The following PXDNL variants were observed in gnomAD, a reference collection of about 807,000 sequenced individuals.
PXDNL encodes peroxidasin like.
PXDNL carries 145 observed loss-of-function variants against 150.8 expected under a neutral mutation model. The ratio of observed to expected loss-of-function variants is 0.96; its 90% confidence interval spans 0.84 to 1.10. The LOEUF (loss-of-function observed/expected upper bound fraction) is 1.10, where lower values mean the gene tolerates loss of function less well. Ranked by LOEUF, PXDNL falls within the 50% of genes least tolerant of loss-of-function variation. The pLI, the probability that PXDNL is intolerant of heterozygous loss-of-function variation, is 0.00. For synonymous variants in PXDNL, 757 were observed against 725.7 expected (o/e 1.04, Z -0.69); for missense variants, 2,087 against 1,873.9 (o/e 1.11, Z -2.10).
In PXDNL at chr8:51,791,984, A is replaced by T. The variant is rs1252201971; in HGVS notation, c.164+17197T>A. Among the ~76,000 whole-genome samples, 3 of 151,940 alleles carry T rather than the reference A, an allele frequency of 2.0e-5. No individual in the cohort carries two copies. The East Asian group carries it at 5.8e-4, about 29-fold the overall frequency. ...AATCTGTTACCCTTCTTTTGCATTC[A>T]AAAAATTCAAAGAAATATTAAAAGA... On this transcript the variant is annotated intron_variant, in intron 1 of 22. Coordinates refer to ENST00000356297, the MANE Select transcript of PXDNL (RefSeq NM_144651.5).
At chr8:51,783,941 CA>C (rs1418366052) in intron 1 of PXDNL, among the ~76,000 whole-genome samples, 1 of 152,064 alleles carries the variant, frequency 6.6e-6, no homozygotes, top group African/African-American at 2.4e-5. Flanking sequence ...CTTAAAATTC[CA>C]AAGTCATGAT....
intron 19 of PXDNL, among the ~76,000 whole-genome samples, chr8:51,347,191 T>C (rs943033078): frequency 2.1e-4 from 32 of 152,158 alleles, no homozygotes; most frequent in Non-Finnish European, 2.8e-4. Flanking sequence ...AGTACTTTTG[T>C]TCTGGGCAGC....
intron 1 of PXDNL, among the ~76,000 whole-genome samples, chr8:51,681,005 A>G (rs1191045396): frequency 6.6e-6 from 1 of 151,694 alleles, no homozygotes; most frequent in Non-Finnish European, 1.5e-5. Flanking sequence ...TTTCGTCCAG[A>G]CACATGTGGT....
rs143361992 is a variant in PXDNL, at chr8:51,632,373, G to A, written c.236+22316C>T. Among the ~76,000 whole-genome samples the A allele has an allele frequency of 5.2e-3, 790 of 152,264 alleles. 6 individuals are homozygous for A. The highest frequency in any genetic ancestry group is 0.03 in the South Asian group (143 of 4,826). On this transcript the variant is annotated intron_variant, in intron 2 of 22. Transcript: ENST00000356297. ...CCCAGCACTTTGGGAAGCTGAGGCAGGCAGATCACTTGAGCCCAGGAGTTC... is the reference window on the plus strand; with the variant it reads ...CCCAGCACTTTGGGAAGCTGAGGCAAGCAGATCACTTGAGCCCAGGAGTTC...
chr8:51,396,437 C>T (rs895934350), intron 17 of PXDNL, among the ~76,000 whole-genome samples: 2 of 152,190 alleles, frequency 1.3e-5, no homozygotes, highest in African/African-American at 4.8e-5. Flanking sequence ...GAATGCCTGG[C>T]TGCACAGAAA....
chr8:51,360,886 C>T (rs1806712631), intron 19 of PXDNL, among the ~76,000 whole-genome samples: 1 of 152,250 alleles, frequency 6.6e-6, no homozygotes, highest in Admixed American at 6.5e-5. Context: ...CACCACATGG[C>T]TGTGCTGGAG....
chr8:51,399,867 T>G (rs1447691384), intron 17 of PXDNL, among the ~76,000 whole-genome samples: 5 of 152,200 alleles, frequency 3.3e-5, no homozygotes, highest in African/African-American at 4.8e-5. Context: ...AAGCATAAAG[T>G]TTTCTATAAA....
At chr8:51,735,926 G>A (rs982637950) in intron 1 of PXDNL, among the ~76,000 whole-genome samples, 6 of 152,164 alleles carry the variant, frequency 3.9e-5, no homozygotes, top group African/African-American at 1.4e-4. Context: ...TTTCTGGACA[G>A]ATTTAGGGGT....
chr8:51,459,260 T>A (rs1287153524), intron 8 of PXDNL, among the ~76,000 whole-genome samples: 1 of 152,226 alleles, frequency 6.6e-6, no homozygotes, highest in Non-Finnish European at 1.5e-5. Flanking sequence ...AGTTCCCCAT[T>A]CAAGGGGCTC....
intron 1 of PXDNL, among the ~76,000 whole-genome samples, chr8:51,677,462 A>T (rs1173871975): frequency 2.6e-5 from 4 of 152,244 alleles, no homozygotes; most frequent in African/African-American, 9.6e-5. Context: ...TTGATCATAC[A>T]GTGACTGACC....
chr8:51,777,559 C>T (rs773975930), intron 1 of PXDNL, among the ~76,000 whole-genome samples: 2 of 152,198 alleles, frequency 1.3e-5, no homozygotes, highest in Non-Finnish European at 2.9e-5. Flanking sequence ...CAAATTTAGT[C>T]AGTACCAAGT....
At chr8:51,628,466 C>T (rs1297197989) in intron 2 of PXDNL, among the ~76,000 whole-genome samples, 8 of 116,228 alleles carry the variant, frequency 6.9e-5, no homozygotes, top group East Asian at 3.0e-4. Flanking sequence ...AGTACAGTGG[C>T]GCTGTCTCAG....
intron 2 of PXDNL, among the ~76,000 whole-genome samples, chr8:51,630,801 G>A (rs1814473826): frequency 1.3e-5 from 2 of 151,522 alleles, no homozygotes; most frequent in Admixed American, 6.6e-5. Flanking sequence ...CAAGGTTGTA[G>A]AGAAAAGGGA....
At chr8:51,489,083 C>T (rs78872030) in intron 5 of PXDNL, among the ~76,000 whole-genome samples, 2,709 of 151,898 alleles carry the variant, frequency 0.018, 33 homozygotes, top group Non-Finnish European at 0.027. Context: ...ATCAAAATGA[C>T]GAAATAACAG....
At chr8:51,760,845 CTTTTTTTTTTTTTTTTTT>C (rs71237237) in intron 1 of PXDNL, among the ~76,000 whole-genome samples, 2 of 45,476 alleles carry the variant, frequency 4.4e-5, no homozygotes, top group Admixed American at 3.7e-4. Flanking sequence ...ATCACTTAAA[CTTTTTTTTTTTTTTTTTT>C]TTTTTTTTTT....
chr8:51,647,843 A>G (rs1338476672), intron 2 of PXDNL, among the ~76,000 whole-genome samples: 1 of 152,176 alleles, frequency 6.6e-6, no homozygotes, highest in Non-Finnish European at 1.5e-5. Flanking sequence ...TATTTTTAAT[A>G]TTTATTATTA....
chr8:51,437,278 ACT>A (rs1809429662), intron 12 of PXDNL, among the ~76,000 whole-genome samples: 1 of 152,134 alleles, frequency 6.6e-6, no homozygotes, highest in Non-Finnish European at 1.5e-5. Context: ...AATTGGTATC[ACT>A]CTTATTGACA....
chr8:51,608,730 G>A (rs981415286), intron 2 of PXDNL, among the ~76,000 whole-genome samples: 16 of 146,274 alleles, frequency 1.1e-4, no homozygotes, highest in African/African-American at 3.5e-4. Context: ...CCAGCTGCTC[G>A]GGAGGCTGAG....
chr8:51,744,249 AAAAG>A (rs1272191075), intron 1 of PXDNL, among the ~76,000 whole-genome samples: 1 of 145,714 alleles, frequency 6.9e-6, no homozygotes, highest in Non-Finnish European at 1.5e-5. Flanking sequence ...AAAAGAGAGG[AAAAG>A]AAAGAAAAGA....
Sources: gnomAD v4.1 joint callset for allele counts (sites outside exome capture counted in the v4.1 genomes callset) on GRCh38, gnomAD v4.1.1 for gene constraint, MANE v1.5 for transcripts, NCBI Gene and HGNC (gene_info 2026-07-23, HGNC 2026-07-21) for gene names.